The following FGF12 variants were observed in gnomAD, a reference collection of about 807,000 sequenced individuals.
FGF12 encodes the protein fibroblast growth factor 12B.
A neutral mutation model predicts 23.6 loss-of-function variants in FGF12; 14 were observed. The observed-to-expected ratio is 0.59, with a 90% CI of 0.39 to 0.93. The LOEUF (loss-of-function observed/expected upper bound fraction) is 0.93. FGF12 is among the 40% of genes least tolerant of loss of function. The pLI is 0.00. For missense variants in FGF12, 175 were observed against 217.8 expected, an observed-to-expected ratio of 0.80 and a Z score of 1.24; for synonymous variants, 62 against 77.3, an observed-to-expected ratio of 0.80 and a Z score of 1.04.
intron 4 of FGF12, among the ~76,000 whole-genome samples, chr3:192,314,605 C>G (rs35527742): frequency 0.036 from 5,496 of 152,216 alleles, 318 homozygotes; most frequent in African/African-American, 0.13. Context: ...CGATAAATGT[C>G]TATCTTTAGA....
chr3:192,183,082 G>T (rs866374759), intron 4 of FGF12, among the ~76,000 whole-genome samples: 1 of 152,188 alleles, frequency 6.6e-6, no homozygotes, highest in South Asian at 2.1e-4. Context: ...GGTCAATGAA[G>T]GAGAAACGTG....
chr3:192,435,578 C>T (rs949128057), intron 2 of FGF12, among the ~76,000 whole-genome samples: 6 of 152,262 alleles, frequency 3.9e-5, no homozygotes, highest in South Asian at 2.1e-4. Context: ...CAGCATTGTT[C>T]GGCCAGCAGG....
Position 192,591,132 on chromosome 3 carries a change from G to T in FGF12, c.13+136049C>A, listed in dbSNP as rs973252509. 2.0e-5 allele frequency among the ~76,000 whole-genome samples: 3 copies of T among 151,288 alleles called. No homozygotes were observed. The East Asian group carries it at 5.8e-4, about 29-fold the overall frequency. Reference sequence around the variant, plus strand: ...CTAAGATAAAGTCAGTGAAGAAGGCGGTATCTATGGAGACCAGGCAAAACC... The same window carrying T: ...CTAAGATAAAGTCAGTGAAGAAGGCTGTATCTATGGAGACCAGGCAAAACC... On this transcript the variant is annotated intron_variant, in intron 2 of 5. Coordinates refer to ENST00000445105, the MANE Select transcript of FGF12 (RefSeq NM_004113.6).
chr3:192,270,674 C>CTAAAATGAATATATG (rs1713374841), intron 4 of FGF12, among the ~76,000 whole-genome samples: 1 of 151,960 alleles, frequency 6.6e-6, no homozygotes, highest in Non-Finnish European at 1.5e-5. Flanking sequence ...TATGTTTCCA[C>CTAAAATGAATATATG]ACTTACATAA....
At chr3:192,675,620 T>A (rs1717302521) in intron 2 of FGF12, among the ~76,000 whole-genome samples, 1 of 152,172 alleles carries the variant, frequency 6.6e-6, no homozygotes, top group South Asian at 2.1e-4. Flanking sequence ...ATGCCTGTCT[T>A]ATAGATGAGG....
At chr3:192,406,341 C>A (rs1248890921) in intron 2 of FGF12, among the ~76,000 whole-genome samples, 2 of 151,876 alleles carry the variant, frequency 1.3e-5, no homozygotes, top group Non-Finnish European at 2.9e-5. Context: ...AGGATCAACT[C>A]AAAAACGTCA....
intron 2 of FGF12, among the ~76,000 whole-genome samples, chr3:192,648,235 A>T (rs1716085465): frequency 6.6e-6 from 1 of 152,146 alleles, no homozygotes. Flanking sequence ...GTCAGATAGA[A>T]AGTAAATAAT....
chr3:192,403,636 A>G (rs1720849800), intron 2 of FGF12, among the ~76,000 whole-genome samples: 1 of 152,060 alleles, frequency 6.6e-6, no homozygotes, highest in Non-Finnish European at 1.5e-5. Context: ...TCAAAAGAGA[A>G]AATGTAATCA....
chr3:192,269,548 C>T (rs947146788), intron 4 of FGF12, among the ~76,000 whole-genome samples: 1 of 152,124 alleles, frequency 6.6e-6, no homozygotes, highest in African/African-American at 2.4e-5. Flanking sequence ...AATAATATTA[C>T]TGTTAGGCTT....
chr3:192,221,877 T>G (rs2108573737), intron 4 of FGF12, among the ~76,000 whole-genome samples: 1 of 152,034 alleles, frequency 6.6e-6, no homozygotes, highest in South Asian at 2.1e-4. Context: ...ACCACCAAGG[T>G]TATATGGTGT....
intron 2 of FGF12, among the ~76,000 whole-genome samples, chr3:192,696,359 G>T (rs1031031224): frequency 1.3e-5 from 2 of 152,106 alleles, no homozygotes; most frequent in Admixed American, 6.5e-5. Context: ...CTCATTGAGG[G>T]CACCATGTGG....
chr3:192,555,365 T>C (rs1445431677), intron 2 of FGF12, among the ~76,000 whole-genome samples: 2 of 152,000 alleles, frequency 1.3e-5, no homozygotes, highest in Non-Finnish European at 2.9e-5. Context: ...CAAAGGTAAA[T>C]AGAAAATCAG....
chr3:192,599,367 T>C (rs1056143771), intron 2 of FGF12, among the ~76,000 whole-genome samples: 3 of 152,006 alleles, frequency 2.0e-5, no homozygotes, highest in Admixed American at 2.0e-4. Context: ...TTCAGTAAGT[T>C]AACTTCTCTG....
chr3:192,630,854 G>A (rs1382523391), intron 2 of FGF12, among the ~76,000 whole-genome samples: 11 of 151,764 alleles, frequency 7.2e-5, no homozygotes, highest in African/African-American at 1.2e-4. Flanking sequence ...CACCGCGCCC[G>A]GCCCACTTTT....
At chr3:192,209,191 A>T (rs893780045) in intron 4 of FGF12, among the ~76,000 whole-genome samples, 1 of 152,096 alleles carries the variant, frequency 6.6e-6, no homozygotes, top group African/African-American at 2.4e-5. Flanking sequence ...AGAGGAAAAC[A>T]TTTTCTCCCC....
intron 2 of FGF12, among the ~76,000 whole-genome samples, chr3:192,442,085 G>A (rs778915746): frequency 6.6e-6 from 1 of 152,142 alleles, no homozygotes; most frequent in Non-Finnish European, 1.5e-5. Flanking sequence ...TTTGCCCACA[G>A]GACGACCAAC....
At chr3:192,487,823 T>C (rs55700969) in intron 2 of FGF12, among the ~76,000 whole-genome samples, 16,878 of 152,132 alleles carry the variant, frequency 0.11, 3,098 homozygotes, top group African/African-American at 0.38. Flanking sequence ...AAACTAAATG[T>C]TTCTAAAAGA....
intron 2 of FGF12, among the ~76,000 whole-genome samples, chr3:192,683,462 T>C (rs1337008761): frequency 6.6e-6 from 1 of 152,156 alleles, no homozygotes; most frequent in Non-Finnish European, 1.5e-5. Context: ...TATAAGAGAC[T>C]AGCTACTGAT....
chr3:192,148,298 A>G (rs544072622), intron 5 of FGF12, among the ~76,000 whole-genome samples: 1 of 152,338 alleles, frequency 6.6e-6, no homozygotes, highest in African/African-American at 2.4e-5. Context: ...AAATTCTGAC[A>G]CATACTACAA....
Sources: gnomAD v4.1 joint callset for allele counts (sites outside exome capture counted in the v4.1 genomes callset) on GRCh38, gnomAD v4.1.1 for gene constraint, MANE v1.5 for transcripts, NCBI Gene and HGNC (gene_info 2026-07-23, HGNC 2026-07-21) for gene names.